The following ADGRV1 variants were observed in gnomAD, a reference collection of about 807,000 sequenced individuals.
The protein encoded by ADGRV1 is G-protein coupled receptor 98.
In ADGRV1, 359 loss-of-function variants were observed where a neutral mutation model predicts 596.2. The observed-to-expected ratio is 0.60, with a 90% CI of 0.55 to 0.66. The LOEUF (loss-of-function observed/expected upper bound fraction) is 0.66, where lower values mean the gene tolerates loss of function less well. Among genes scored for constraint, ADGRV1 ranks in the 30% least tolerant of loss-of-function variants. The pLI, the probability that ADGRV1 is intolerant of heterozygous loss-of-function variation, is 0.00. For missense variants in ADGRV1, 7,274 were observed against 7,575.6 expected (o/e 0.96, Z 1.48); for synonymous variants, 2,681 against 2,679.2 (o/e 1.00, Z -0.02).
At chr5:91,122,395 C>G (rs940904883) in intron 87 of ADGRV1, among the ~76,000 whole-genome samples, 2 of 152,186 alleles carry the variant, frequency 1.3e-5, no homozygotes, top group African/African-American at 4.8e-5. Flanking sequence ...AAAGTCATCT[C>G]CTTTTTATAA....
intron 83 of ADGRV1, among the ~76,000 whole-genome samples, chr5:90,957,722 TGAA>T (rs1777608884): frequency 6.6e-6 from 1 of 150,534 alleles, no homozygotes; most frequent in African/African-American, 2.4e-5. Flanking sequence ...AATTAACTAT[TGAA>T]GAAAAAATAA....
At chr5:91,157,331 A>G (rs1191894260) in intron 89 of ADGRV1, among the ~76,000 whole-genome samples, 1 of 152,210 alleles carries the variant, frequency 6.6e-6, no homozygotes, top group Non-Finnish European at 1.5e-5. Flanking sequence ...CCACTATATC[A>G]TACATTTTGG....
At chr5:90,686,714 C>T (rs1327459054) in intron 29 of ADGRV1, among the ~76,000 whole-genome samples, 1 of 152,110 alleles carries the variant, frequency 6.6e-6, no homozygotes, top group East Asian at 1.9e-4. Flanking sequence ...ATTTATAGTC[C>T]TTTGGGTATA....
chr5:90,685,717 T>C (rs1739746054), intron 28 of ADGRV1, 63 bp from the exon 29 acceptor site: 9 of 1,250,532 alleles, frequency 7.2e-6, no homozygotes, highest in Non-Finnish European at 1.0e-5. Flanking sequence ...TCTTGATGAC[T>C]TTTGGCCAGT....
At chr5:91,126,387 GA>G (rs1793758024) in intron 87 of ADGRV1, among the ~76,000 whole-genome samples, 1 of 152,220 alleles carries the variant, frequency 6.6e-6, no homozygotes, top group South Asian at 2.1e-4. Context: ...TACATGAAAA[GA>G]ATATAATTAT....
At chr5:90,704,759 T>A (rs1458230709) in intron 36 of ADGRV1, among the ~76,000 whole-genome samples, 2 of 152,138 alleles carry the variant, frequency 1.3e-5, no homozygotes, top group Non-Finnish European at 2.9e-5. Flanking sequence ...TGAAATTAAT[T>A]TGAGACTTAC....
chr5:90,812,947 C>T (rs370619932), intron 74 of ADGRV1, among the ~76,000 whole-genome samples: 15 of 151,164 alleles, frequency 9.9e-5, no homozygotes, highest in African/African-American at 2.4e-4. Context: ...CTGACTAACA[C>T]GGTGAAACCC....
intron 21 of ADGRV1, among the ~76,000 whole-genome samples, chr5:90,661,074 A>C (rs1402704200): frequency 6.6e-6 from 1 of 152,216 alleles, no homozygotes; most frequent in Non-Finnish European, 1.5e-5. Context: ...ATTGAACAGA[A>C]GATGGATTTT....
At chr5:90,764,108 G>C (rs1756820055) in intron 59 of ADGRV1, among the ~76,000 whole-genome samples, 1 of 152,166 alleles carries the variant, frequency 6.6e-6, no homozygotes, top group Admixed American at 6.5e-5. Flanking sequence ...CCAACTTCTA[G>C]TCCTGAGCCA....
chr5:90,763,217 C>G, intron 58 of ADGRV1, 88 bp from the exon 59 acceptor site: 1 of 1,120,764 alleles, frequency 8.9e-7, no homozygotes, highest in Non-Finnish European at 1.2e-6. Context: ...AAACTGCAGT[C>G]ATTGTAAACA....
intron 87 of ADGRV1, among the ~76,000 whole-genome samples, chr5:91,144,131 C>T (rs1158081594): frequency 6.6e-6 from 1 of 152,150 alleles, no homozygotes; most frequent in Non-Finnish European, 1.5e-5. Context: ...TCTGCAGCTG[C>T]AGCTTGGGTG....
At chr5:91,016,385 A>T (rs935779752) in intron 85 of ADGRV1, among the ~76,000 whole-genome samples, 4 of 151,964 alleles carry the variant, frequency 2.6e-5, no homozygotes, top group Non-Finnish European at 5.9e-5. Context: ...CTTCACACAC[A>T]TGTGAACAAA....
At chr5:90,829,713 G>A (rs1764368139) in intron 77 of ADGRV1, among the ~76,000 whole-genome samples, 1 of 152,126 alleles carries the variant, frequency 6.6e-6, no homozygotes, top group African/African-American at 2.4e-5. Flanking sequence ...GATCAATGCT[G>A]CATAACACTA....
At chr5:90,917,977 A>G (rs1238559455) in intron 83 of ADGRV1, among the ~76,000 whole-genome samples, 1 of 152,086 alleles carries the variant, frequency 6.6e-6, no homozygotes, top group Non-Finnish European at 1.5e-5. Context: ...TCTTAGGCAG[A>G]TATATTTCAC....
chr5:91,134,173 T>C lies in ADGRV1; in HGVS notation c.18433-15857T>C, dbSNP rs182274558. ...TTCTGGGTCATATGTTTTAAAGGAA[T>C]GACCTGCTGTTTCTTTCTTTTTTTT... On this transcript the variant is annotated intron_variant, in intron 87 of 89. Transcript: ENST00000405460. Among the ~76,000 whole-genome samples the C allele has an allele frequency of 7.0e-4, 106 of 151,964 alleles. No individual in the cohort carries two copies. In the Middle Eastern group the frequency reaches 0.014, roughly 20 times the overall value.
At chr5:90,924,309 T>G (rs1287533137) in intron 83 of ADGRV1, among the ~76,000 whole-genome samples, 1 of 151,100 alleles carries the variant, frequency 6.6e-6, no homozygotes, top group South Asian at 2.1e-4. Context: ...CCTGACTTTT[T>G]AATGATTGCC....
intron 78 of ADGRV1, among the ~76,000 whole-genome samples, chr5:90,842,489 C>G (rs1204805249): frequency 6.6e-6 from 1 of 152,072 alleles, no homozygotes. Context: ...GAGGCGGAGG[C>G]AGGCAGATCA....
rs146435163 is a variant in ADGRV1 at position 90,946,073 on chromosome 5, G to A, written c.17857-19342G>A. Among the ~76,000 whole-genome samples the A allele has an allele frequency of 3.1e-3, 466 of 152,212 alleles. 1 individual carries two copies. The highest frequency in any genetic ancestry group is 0.011 in the African/African-American group (451 of 41,546). ...GGAATATGATCAAGGATTATCTTCCGAAGGAAATGACGTTTGAACTGAGAC... is the reference window on the plus strand; with the variant it reads ...GGAATATGATCAAGGATTATCTTCCAAAGGAAATGACGTTTGAACTGAGAC... On this transcript the variant is annotated intron_variant, in intron 83 of 89. Transcript: ENST00000405460.
rs1291020421 is a variant in ADGRV1, at chr5:90,564,665, C to T, written c.22+5748C>T. On this transcript the variant is annotated intron_variant, in intron 1 of 89. Coordinates refer to ENST00000405460, the MANE Select transcript of ADGRV1 (RefSeq NM_032119.4). ...TTTTTGAGACGGAGTCTCGCTCTGT[C>T]GCCCAGGCTGGAGTGCAGTGGCGCG... Among the ~76,000 whole-genome samples the T allele has an allele frequency of 1.7e-4, 4 of 24,048 alleles. 1 individual carries two copies. Among genetic ancestry groups the T allele is most frequent in the African/African-American group, 1.1e-3 (3 of 2,730 alleles). 15.8% of individuals were successfully genotyped at this position (24,048 alleles called of 152,430 possible). A position where few individuals can be genotyped will look rare whatever the true frequency, so the allele number is the denominator to read the frequency against.
Sources: allele counts gnomAD v4.1 joint callset (sites outside exome capture counted in the v4.1 genomes callset), GRCh38; gene constraint gnomAD v4.1.1; transcripts MANE v1.5; gene names NCBI Gene and HGNC (gene_info 2026-07-23, HGNC 2026-07-21).